The following STRN variants were observed in gnomAD, a reference collection of about 807,000 sequenced individuals.
STRN encodes the protein protein phosphatase 2 regulatory subunit B'''alpha.
In STRN, 53 loss-of-function variants were observed where a neutral mutation model predicts 96.3. The ratio of observed to expected loss-of-function variants is 0.55; its 90% CI spans 0.44 to 0.69. STRN has a LOEUF of 0.69. Among genes scored for constraint, STRN ranks in the 30% least tolerant of loss-of-function variants. The pLI, the probability that STRN is intolerant of heterozygous loss-of-function variation, is 0.00. For missense variants in STRN, 987 were observed against 963.9 expected (o/e 1.02, Z -0.32); for synonymous variants, 428 against 355.9 (o/e 1.20, Z -2.28).
intron 10 of STRN, among the ~76,000 whole-genome samples, chr2:36,873,551 T>C (rs1396762161): frequency 2.0e-5 from 3 of 151,982 alleles, no homozygotes; most frequent in African/African-American, 4.8e-5. Context: ...GACAGTAAGA[T>C]TCTGTCTCAA....
chr2:36,940,663 T>TA (rs1053705061), intron 1 of STRN, among the ~76,000 whole-genome samples: 2 of 150,298 alleles, frequency 1.3e-5, no homozygotes, highest in African/African-American at 4.9e-5. Flanking sequence ...CCATCTCTAC[T>TA]AAAAATAAAA....
At chr2:36,947,874 T>C (rs1664631013) in intron 1 of STRN, among the ~76,000 whole-genome samples, 1 of 151,812 alleles carries the variant, frequency 6.6e-6, no homozygotes, top group South Asian at 2.1e-4. Context: ...CAAATATTTC[T>C]ATTTATTTAT....
chr2:36,851,585 G>A (rs1175593904), intron 15 of STRN, among the ~76,000 whole-genome samples: 1 of 152,164 alleles, frequency 6.6e-6, no homozygotes, highest in East Asian at 1.9e-4. Flanking sequence ...TTCAATGTTA[G>A]GAAAGAGAAT....
chr2:36,924,665 T>C (rs1670362865), intron 2 of STRN, among the ~76,000 whole-genome samples: 1 of 152,198 alleles, frequency 6.6e-6, no homozygotes, highest in Non-Finnish European at 1.5e-5. Context: ...TTACAACCAT[T>C]CATACAAATG....
At chr2:36,865,434 T>C (rs1668596322) in intron 12 of STRN, among the ~76,000 whole-genome samples, 1 of 152,210 alleles carries the variant, frequency 6.6e-6, no homozygotes, top group Non-Finnish European at 1.5e-5. Context: ...CTGGTTTCAA[T>C]GATATTTTAT....
At chr2:36,926,963 G>C (rs993848857) in intron 1 of STRN, among the ~76,000 whole-genome samples, 1 of 152,108 alleles carries the variant, frequency 6.6e-6, no homozygotes, top group Non-Finnish European at 1.5e-5. Flanking sequence ...TATGCCAAAC[G>C]TGCTTTGGCA....
chr2:36,893,895 T>C lies in STRN; in HGVS notation c.931+3A>G, dbSNP rs1669468616. 2 of 1,600,272 alleles carry C rather than the reference T, an allele frequency of 1.2e-6. No individual in the cohort carries two copies. Among genetic ancestry groups the C allele is most frequent in the South Asian group, 2.3e-5 (2 of 87,418 alleles). On this transcript the variant is annotated splice_donor_region_variant and intron_variant, in intron 7 of 17. Transcript: ENST00000263918. The stretch of plus-strand genomic sequence containing the variant: ...TCTGGTTGGATCCAGTATGCTTCCT[T>C]ACCCCAGTCTGTTCCATCGCCTGCA...
intron 10 of STRN, among the ~76,000 whole-genome samples, chr2:36,873,216 T>C (rs1668811813): frequency 6.6e-6 from 1 of 152,218 alleles, no homozygotes; most frequent in Admixed American, 6.5e-5. Flanking sequence ...TGCATACATC[T>C]GAGAAAAGCA....
intron 1 of STRN, among the ~76,000 whole-genome samples, chr2:36,932,434 C>T (rs563966774): frequency 1.3e-5 from 2 of 152,282 alleles, no homozygotes; most frequent in South Asian, 2.1e-4. Context: ...GGATTACACG[C>T]GTGAGCCACC....
At chr2:36,935,943 GCTC>G (rs1207888235) in intron 1 of STRN, among the ~76,000 whole-genome samples, 3 of 151,824 alleles carry the variant, frequency 2.0e-5, no homozygotes, top group Non-Finnish European at 1.5e-5. Context: ...GTGAATTAGA[GCTC>G]CTATTAATAA....
intron 1 of STRN, among the ~76,000 whole-genome samples, chr2:36,957,761 T>TTG (rs1202084592): frequency 2.5e-5 from 3 of 117,774 alleles, no homozygotes; most frequent in Non-Finnish European, 5.5e-5. Flanking sequence ...TTTTTTTTTT[T>TTG]TTTTTTTTTT....
At chr2:36,870,109 T>A (rs1021062699) in intron 10 of STRN, among the ~76,000 whole-genome samples, 2 of 152,162 alleles carry the variant, frequency 1.3e-5, no homozygotes, top group Non-Finnish European at 2.9e-5. Flanking sequence ...CCTGCTAACA[T>A]TTTAAAATGT....
chr2:36,858,051 C>A, intron 13 of STRN, 28 bp from the exon 14 acceptor site: 1 of 1,526,666 alleles, frequency 6.6e-7, no homozygotes, highest in Non-Finnish European at 8.9e-7. Flanking sequence ...AATGCAAAAT[C>A]AGGAGAAAAA....
chr2:36,902,379 A>T (rs1669709210), intron 5 of STRN, among the ~76,000 whole-genome samples: 1 of 152,212 alleles, frequency 6.6e-6, no homozygotes, highest in African/African-American at 2.4e-5. Flanking sequence ...TATTAAATAA[A>T]TATCACAAAT....
At chr2:36,900,034 G>C (rs1669642859) in intron 5 of STRN, among the ~76,000 whole-genome samples, 1 of 152,060 alleles carries the variant, frequency 6.6e-6, no homozygotes, top group African/African-American at 2.4e-5. Flanking sequence ...GATTACAGGA[G>C]TGAGCCACCA....
chr2:36,900,970 T>C (rs1269273161), intron 5 of STRN, among the ~76,000 whole-genome samples: 4 of 151,712 alleles, frequency 2.6e-5, no homozygotes, highest in African/African-American at 9.7e-5. Flanking sequence ...CTCCAGTTCA[T>C]TAGGTAATCT....
At chr2:36,852,628 C>T (rs138721735) in intron 15 of STRN, among the ~76,000 whole-genome samples, 143 of 152,230 alleles carry the variant, frequency 9.4e-4, no homozygotes, top group African/African-American at 3.1e-3. Flanking sequence ...CAGAAGTTCT[C>T]GTACTATTTT....
chr2:36,921,712 G>GTC (rs4015984), intron 2 of STRN, among the ~76,000 whole-genome samples: 84,125 of 151,512 alleles, frequency 0.56, 24,297 homozygotes, highest in African/African-American at 0.71. Context: ...TTGTTGATGT[G>GTC]TCTATTTCAG....
intron 15 of STRN, among the ~76,000 whole-genome samples, chr2:36,853,492 G>T (rs1003823168): frequency 6.6e-5 from 10 of 152,164 alleles, no homozygotes; most frequent in African/African-American, 2.2e-4. Context: ...TTCTTATTTG[G>T]TAACACTTTT....
Sources: allele counts gnomAD v4.1 joint callset (sites outside exome capture counted in the v4.1 genomes callset), GRCh38; gene constraint gnomAD v4.1.1; transcripts MANE v1.5; gene names NCBI Gene and HGNC (gene_info 2026-07-23, HGNC 2026-07-21).